Variants in PRDM12 observed in about 807,000 individuals in gnomAD.
PRDM12 encodes the protein PR domain zinc finger protein 12.
PRDM12 carries 17 observed loss-of-function variants against 29.6 expected under a neutral mutation model. The ratio of observed to expected loss-of-function variants is 0.57; its 90% CI spans 0.39 to 0.86. PRDM12 has a LOEUF of 0.86. Ranked by LOEUF, PRDM12 falls within the 40% of genes least tolerant of loss-of-function variation. The pLI is 0.00. For synonymous variants in PRDM12, 231 were observed against 225.8 expected, an observed-to-expected ratio of 1.02 and a Z score of -0.21; for missense variants, 422 against 510.8, an observed-to-expected ratio of 0.83 and a Z score of 1.68.
intron 3 of PRDM12, among the ~76,000 whole-genome samples, chr9:130,677,311 T>C (rs973275753): frequency 2.0e-5 from 3 of 152,152 alleles, no homozygotes; most frequent in Non-Finnish European, 4.4e-5. Context: ...AAGGAAGACG[T>C]AGTGAACGCC....
chr9:130,673,326 C>T (rs796321234), intron 3 of PRDM12, among the ~76,000 whole-genome samples: 9 of 152,258 alleles, frequency 5.9e-5, no homozygotes, highest in East Asian at 5.8e-4. Flanking sequence ...CTGGGTTTCC[C>T]GGGCTTGATA....
chr9:130,667,540 G>C (rs1439992662), intron 2 of PRDM12, among the ~76,000 whole-genome samples: 4 of 113,186 alleles, frequency 3.5e-5, no homozygotes, highest in Admixed American at 8.8e-5. Flanking sequence ...AGCTCCCCCC[G>C]GCGGACCCTG....
At chr9:130,680,434 A>T (rs530216663) in intron 4 of PRDM12, among the ~76,000 whole-genome samples, 3 of 150,800 alleles carry the variant, frequency 2.0e-5, no homozygotes, top group Non-Finnish European at 4.4e-5. Context: ...AGAGATCGAG[A>T]CCATCCTGGC....
intron 3 of PRDM12, among the ~76,000 whole-genome samples, chr9:130,674,336 A>G (rs1025809557): frequency 2.0e-5 from 3 of 151,856 alleles, no homozygotes; most frequent in African/African-American, 7.3e-5. Context: ...TTTAGTAGAA[A>G]CAGGGTTTCA....
chr9:130,664,857 G>A lies in PRDM12; in HGVS notation c.204G>A (p.Leu68=). Residue 68 remains leucine, a synonymous_variant, in exon 1 of 5, where the codon CTG becomes CTA. Transcript: ENST00000253008. The surrounding 1 kb of genome is among the most constrained non-coding windows in gnomAD (Gnocchi z 6.4). ...AGACAGCCTTCACCGCCGAGGTGCT[G>A]GCGCAGTCCTTCTCCGGCGGTGAGT... The part of the protein sequence containing the change: ...SPKTAFTAEV[L]AQSFSGEVQK... 1 of 1,543,144 alleles carries A rather than the reference G, an allele frequency of 6.5e-7. No individual in the cohort carries two copies. Among genetic ancestry groups the A allele is most frequent in the Non-Finnish European group, 8.7e-7 (1 of 1,144,162 alleles).
chr9:130,664,617 CGGCCGTCCCCCGGCGCCGGG>C lies in PRDM12; in HGVS notation c.-35_-16del. 6.7e-7 allele frequency: 1 copy of C among 1,486,586 alleles called. No homozygotes were observed. The highest frequency in any genetic ancestry group is 2.5e-5 in the East Asian group (1 of 40,560). 92.1% of individuals were successfully genotyped at this position (1,486,586 alleles called of 1,614,324 possible). A position where few individuals can be genotyped will look rare whatever the true frequency, so the allele number is the denominator to read the frequency against. On this transcript the variant is annotated 5_prime_UTR_variant, in exon 1 of 5. Transcript: ENST00000253008. The surrounding 1 kb of genome is among the most constrained non-coding windows in gnomAD (Gnocchi z 6.4). ...CGCCCGCCCACCTCCCCCGTCGGCCCGGCCGTCCCCCGGCGCCGGGGAGCTCCGGGCCGCCCATGATGGGC... is the reference window on the plus strand; with the variant it reads ...CGCCCGCCCACCTCCCCCGTCGGCCCGAGCTCCGGGCCGCCCATGATGGGC...
chr9:130,677,958 C>T (rs1235473031), intron 3 of PRDM12, among the ~76,000 whole-genome samples: 1 of 152,148 alleles, frequency 6.6e-6, no homozygotes, highest in African/African-American at 2.4e-5. Context: ...TTCATCCATC[C>T]GAATGCTTCT....
At chr9:130,669,040 G>T (rs1018980036) in intron 3 of PRDM12, among the ~76,000 whole-genome samples, 1 of 152,198 alleles carries the variant, frequency 6.6e-6, no homozygotes, top group Non-Finnish European at 1.5e-5. Flanking sequence ...CCTGAACACG[G>T]TGGCTTATGC....
Position 130,681,833 on chromosome 9 carries a change from G to C in PRDM12, c.*164G>C, listed in dbSNP as rs2132609267. 1 of 619,508 alleles carries C rather than the reference G, an allele frequency of 1.6e-6. No homozygotes were observed. Among genetic ancestry groups the C allele is most frequent in the African/African-American group, 2.0e-5 (1 of 50,006 alleles). 38.4% of individuals were successfully genotyped at this position (619,508 alleles called of 1,614,324 possible). The stretch of plus-strand genomic sequence containing the variant: ...GCGGATCTCAGGCACCCCCGCCTTG[G>C]CCCGTGTCGCAGATGAGGACACTGA... On this transcript the variant is annotated 3_prime_UTR_variant, in exon 5 of 5. Transcript: ENST00000253008. The surrounding 1 kb of genome is among the most constrained non-coding windows in gnomAD (Gnocchi z 8.1).
chr9:130,667,164 G>T (rs1830741685), intron 2 of PRDM12, among the ~76,000 whole-genome samples: 1 of 152,184 alleles, frequency 6.6e-6, no homozygotes. Context: ...TCTTTCCCTG[G>T]CCCCGGAAGC....
intron 4 of PRDM12, among the ~76,000 whole-genome samples, chr9:130,680,659 A>ATATATATATATATTTTT: frequency 4.3e-4 from 31 of 72,140 alleles, no homozygotes; most frequent in East Asian, 2.6e-3. Context: ...ATATATATAT[A>ATATATATATATATTTTT]TTTTTTTTTT....
At position 130,682,159 on chromosome 9, in the gene PRDM12, C is replaced by T. The variant is rs1169189008; in HGVS notation, c.*490C>T. 2.0e-5 allele frequency: 3 copies of T among 152,402 alleles called. No individual in the cohort carries two copies. The highest frequency in any genetic ancestry group is 1.3e-4 in the Admixed American group (2 of 15,280). The allele number at this position is 152,402 out of a possible 1,614,324, so 9.4% of individuals were successfully genotyped here. A position where few individuals can be genotyped will look rare whatever the true frequency, so the allele number is the denominator to read the frequency against. On this transcript the variant is annotated 3_prime_UTR_variant, in exon 5 of 5. Coordinates refer to ENST00000253008, the MANE Select transcript of PRDM12 (RefSeq NM_021619.3). This position sits in a 1 kb window ranked among gnomAD's most constrained non-coding sequence, Gnocchi z 4.2. The stretch of plus-strand genomic sequence containing the variant: ...GGGGGTTGTGGGGGCGCCATCTCCT[C>T]TTCCGGCCCCTGGGACTGGTGTCCT...
intron 1 of PRDM12, 34 bp from the exon 2 acceptor site, chr9:130,666,574 G>A: frequency 1.3e-6 from 2 of 1,595,076 alleles, no homozygotes; most frequent in Non-Finnish European, 1.7e-6. Flanking sequence ...GCTGCCTCGG[G>A]CTCTGACCGG....
chr9:130,665,548 G>T (rs1196734498), intron 1 of PRDM12, among the ~76,000 whole-genome samples: 1 of 151,776 alleles, frequency 6.6e-6, no homozygotes, highest in Admixed American at 6.6e-5. Context: ...TTCCATTCAC[G>T]CTATGTCAAC....
In PRDM12 at chr9:130,678,633, C is replaced by T. The variant is rs751812968; in HGVS notation, c.675C>T (p.Asn225=). 1.2e-6 allele frequency: 2 copies of T among 1,607,238 alleles called. No homozygotes were observed. The highest frequency in any genetic ancestry group is 2.2e-5 in the East Asian group (1 of 44,728). The part of the protein sequence containing the change: ...VPGLEEDQKK[N]KHEDFHPADS... ...GGCTAGAGGAGGACCAGAAAAAGAA[C>T]AAGCATGGTAGGTGTTCCCCATGGG... The change falls in exon 4 of 5, where the codon AAC becomes AAT. Residue 225 remains asparagine, a synonymous_variant. Transcript: ENST00000253008.
chr9:130,680,659 A>ATATTTTTTT, intron 4 of PRDM12, among the ~76,000 whole-genome samples: 4 of 72,170 alleles, frequency 5.5e-5, no homozygotes, highest in African/African-American at 2.3e-4. Context: ...ATATATATAT[A>ATATTTTTTT]TTTTTTTTTT....
chr9:130,676,797 G>C (rs1312047070), intron 3 of PRDM12, among the ~76,000 whole-genome samples: 1 of 152,220 alleles, frequency 6.6e-6, no homozygotes, highest in Admixed American at 6.5e-5. Context: ...AACCATGGGG[G>C]CATGTGGAAA....
chr9:130,677,079 G>A (rs537756497), intron 3 of PRDM12, among the ~76,000 whole-genome samples: 6 of 152,146 alleles, frequency 3.9e-5, no homozygotes, highest in African/African-American at 1.2e-4. Context: ...ATGCGCCACC[G>A]CGCCTGGCTA....
chr9:130,667,114 C>T (rs946642151), intron 2 of PRDM12, among the ~76,000 whole-genome samples: 3 of 152,350 alleles, frequency 2.0e-5, no homozygotes, highest in South Asian at 4.1e-4. Context: ...CCAGGGTCCC[C>T]ACGCGCCATC....
Sources: gnomAD v4.1 joint callset for allele counts (sites outside exome capture counted in the v4.1 genomes callset) on GRCh38, gnomAD v4.1.1 for gene constraint, Gnocchi (gnomAD v3.1) non-coding constraint, MANE v1.5 for transcripts, NCBI Gene and HGNC (gene_info 2026-07-23, HGNC 2026-07-21) for gene names.